Variants in EPHA6 observed in about 807,000 individuals in gnomAD.
EPHA6 encodes ephrin type-A receptor 6.
A neutral mutation model predicts 112.0 loss-of-function variants in EPHA6; 50 were observed. The observed-to-expected ratio is 0.45, with a 90% confidence interval of 0.36 to 0.56. EPHA6 has a LOEUF of 0.56. Ranked by LOEUF, EPHA6 falls within the 20% of genes least tolerant of loss-of-function variation. The pLI is 0.00. For missense variants in EPHA6, 1,280 were observed against 1,417.4 expected (o/e 0.90, Z 1.56); for synonymous variants, 529 against 490.7 (o/e 1.08, Z -1.03).
chr3:97,466,203 C>T, intron 7 of EPHA6: 1 of 758,906 alleles, frequency 1.3e-6, no homozygotes. Flanking sequence ...TCCTATCCAT[C>T]CAGTTACCGG....
intron 1 of EPHA6, among the ~76,000 whole-genome samples, chr3:96,840,073 A>T (rs1022480203): frequency 2.6e-5 from 4 of 152,102 alleles, no homozygotes; most frequent in African/African-American, 9.7e-5. Flanking sequence ...CTGGCTGATA[A>T]GTGCTCCAGT....
intron 5 of EPHA6, among the ~76,000 whole-genome samples, chr3:97,309,697 T>A (rs541823437): frequency 1.3e-5 from 2 of 151,618 alleles, no homozygotes; most frequent in African/African-American, 4.8e-5. Flanking sequence ...AGAAGATACA[T>A]TTTAGTATAA....
intron 3 of EPHA6, among the ~76,000 whole-genome samples, chr3:97,165,712 G>A (rs181783198): frequency 5.9e-5 from 9 of 152,248 alleles, no homozygotes; most frequent in Middle Eastern, 3.4e-3. Context: ...TTTTGCTAGC[G>A]TGAGTGAGCA....
At chr3:97,040,590 T>G (rs1388871798) in intron 3 of EPHA6, among the ~76,000 whole-genome samples, 1 of 152,072 alleles carries the variant, frequency 6.6e-6, no homozygotes, top group East Asian at 1.9e-4. Context: ...ATATTATTAT[T>G]TCAACTCTCT....
chr3:96,971,260 C>A (rs185639303), intron 2 of EPHA6, among the ~76,000 whole-genome samples: 3 of 151,982 alleles, frequency 2.0e-5, no homozygotes, highest in Admixed American at 2.0e-4. Flanking sequence ...GTTAATAGGA[C>A]AAATCTACCA....
intron 1 of EPHA6, among the ~76,000 whole-genome samples, chr3:96,840,835 T>C (rs1026224829): frequency 6.6e-6 from 1 of 152,128 alleles, no homozygotes; most frequent in African/African-American, 2.4e-5. Flanking sequence ...ACTGTGGCAA[T>C]GGAGTTGACA....
At chr3:96,937,910 A>C (rs566025784) in intron 2 of EPHA6, among the ~76,000 whole-genome samples, 5 of 152,284 alleles carry the variant, frequency 3.3e-5, no homozygotes, top group African/African-American at 1.2e-4. Context: ...CAAAGATCAG[A>C]TAGTTGTAGA....
At chr3:97,481,233 G>T in intron 9 of EPHA6, 1 of 1,370,002 alleles carries the variant, frequency 7.3e-7, no homozygotes, top group Non-Finnish European at 1.0e-6. Context: ...ATTACTATTT[G>T]GACTTTTAGA....
At chr3:97,493,184 G>T (rs2091895850) in intron 10 of EPHA6, among the ~76,000 whole-genome samples, 1 of 151,928 alleles carries the variant, frequency 6.6e-6, no homozygotes, top group African/African-American at 2.4e-5. Flanking sequence ...ATACGTACAT[G>T]TAAATGTGTT....
intron 14 of EPHA6, among the ~76,000 whole-genome samples, chr3:97,649,692 A>G (rs1393719560): frequency 3.9e-5 from 6 of 152,098 alleles, no homozygotes; most frequent in Non-Finnish European, 8.8e-5. Flanking sequence ...ACAAAAATCC[A>G]AGCTGGATAA....
At chr3:97,201,520 CT>C (rs1202091638) in intron 3 of EPHA6, among the ~76,000 whole-genome samples, 1 of 152,074 alleles carries the variant, frequency 6.6e-6, no homozygotes, top group Non-Finnish European at 1.5e-5. Flanking sequence ...TTCACATTAG[CT>C]AATCTCCTAG....
intron 1 of EPHA6, among the ~76,000 whole-genome samples, chr3:96,834,918 A>C (rs560551975): frequency 2.0e-5 from 3 of 152,162 alleles, no homozygotes; most frequent in African/African-American, 7.2e-5. Context: ...CCGGCCATAC[A>C]ACAATTATAA....
At chr3:97,704,244 T>C (rs558517513) in intron 14 of EPHA6, among the ~76,000 whole-genome samples, 41 of 152,268 alleles carry the variant, frequency 2.7e-4, no homozygotes, top group Admixed American at 8.5e-4. Flanking sequence ...ACCATGAGGA[T>C]GTTGCAGGAA....
At chr3:96,930,823 C>T (rs1044431902) in intron 2 of EPHA6, among the ~76,000 whole-genome samples, 1 of 151,702 alleles carries the variant, frequency 6.6e-6, no homozygotes, top group African/African-American at 2.4e-5. Context: ...GAAAACCCAT[C>T]TCTACTAAAA....
At position 97,750,217 on chromosome 3, in the gene EPHA6, T is replaced by C. The variant is rs985528294; in HGVS notation, c.*1516T>C. Among the ~76,000 whole-genome samples, 4 of 152,048 alleles carry C rather than the reference T, an allele frequency of 2.6e-5. No homozygotes were observed. The highest frequency in any genetic ancestry group is 5.9e-5 in the Non-Finnish European group (4 of 68,006). The stretch of plus-strand genomic sequence containing the variant: ...GATGCTGATTTAATAAATTAGCTTT[T>C]GTTGGATCTCAGTGATAATGGTGCC... On this transcript the variant is annotated 3_prime_UTR_variant, in exon 18 of 18. Coordinates refer to ENST00000389672, the MANE Select transcript of EPHA6 (RefSeq NM_001080448.3).
At chr3:97,271,093 A>C (rs1399791213) in intron 5 of EPHA6, among the ~76,000 whole-genome samples, 2 of 152,218 alleles carry the variant, frequency 1.3e-5, no homozygotes, top group Non-Finnish European at 2.9e-5. Flanking sequence ...GACTAAATTG[A>C]CTAATATAAT....
chr3:97,199,446 A>T (rs1345355525), intron 3 of EPHA6, among the ~76,000 whole-genome samples: 3 of 152,124 alleles, frequency 2.0e-5, no homozygotes, highest in Non-Finnish European at 4.4e-5. Context: ...TTCTGATTTA[A>T]TTGGCCTGGC....
chr3:97,367,765 G>A (rs952209966), intron 5 of EPHA6, among the ~76,000 whole-genome samples: 5 of 151,746 alleles, frequency 3.3e-5, no homozygotes, highest in Non-Finnish European at 7.4e-5. Context: ...GGAGTTTCAG[G>A]TTATATTACC....
At chr3:97,088,500 G>A (rs2046971352) in intron 3 of EPHA6, among the ~76,000 whole-genome samples, 1 of 152,102 alleles carries the variant, frequency 6.6e-6, no homozygotes, top group African/African-American at 2.4e-5. Context: ...AAGCAAGTCT[G>A]AACTCCAGCT....
Sources: gnomAD v4.1 joint callset for allele counts (sites outside exome capture counted in the v4.1 genomes callset) on GRCh38, gnomAD v4.1.1 for gene constraint, MANE v1.5 for transcripts, NCBI Gene and HGNC (gene_info 2026-07-23, HGNC 2026-07-21) for gene names.